GRXCR2: variants seen among roughly 807,000 people sequenced by gnomAD.
GRXCR2 encodes glutaredoxin and cysteine rich domain containing 2.
Under a neutral mutation model 24.8 loss-of-function variants are expected in GRXCR2, and 23 were observed. The ratio of observed to expected loss-of-function variants is 0.93; its 90% CI spans 0.67 to 1.32. The LOEUF (loss-of-function observed/expected upper bound fraction) is 1.32. GRXCR2 is among the 40% of genes most tolerant of loss of function. The pLI, the probability that GRXCR2 is intolerant of heterozygous loss-of-function variation, is 0.00. For missense variants in GRXCR2, 315 were observed against 303.4 expected (o/e 1.04, Z -0.28); for synonymous variants, 130 against 116.1 (o/e 1.12, Z -0.77).
upstream of GRXCR2, among the ~76,000 whole-genome samples, chr5:145,876,785 G>A (rs998963836): frequency 2.6e-5 from 4 of 152,174 alleles, no homozygotes; most frequent in African/African-American, 4.8e-5. Flanking sequence ...ATTTTCAGAC[G>A]TTGGTGTTTC....
At position 145,927,397 on chromosome 5, in the gene GRXCR2, T is replaced by C. The variant is rs1034824931; in HGVS notation, c.-70+8304A>G. 6.0e-4 allele frequency among the ~76,000 whole-genome samples: 92 copies of C among 152,310 alleles called. 2 individuals carry two copies. In the South Asian group the frequency reaches 0.016, roughly 26 times the overall value. ...AAATAGCTCTTATTATTTTGAGATA[T>C]GTCCCATCAATAACTAATTTATTGA... is the stretch of plus-strand genomic sequence containing the variant. On this transcript the variant is annotated intron_variant, in intron 2 of 3. Coordinates refer to the GRXCR2 transcript ENST00000639411.
intron 2 of GRXCR2, among the ~76,000 whole-genome samples, chr5:145,900,336 A>T (rs929189122): frequency 3.3e-5 from 5 of 152,020 alleles, no homozygotes; most frequent in Non-Finnish European, 7.4e-5. Flanking sequence ...TTTGCCTTCC[A>T]CCATGATTGT....
intron 2 of GRXCR2, among the ~76,000 whole-genome samples, chr5:145,882,351 G>C (rs1756714840): frequency 6.6e-6 from 1 of 152,146 alleles, no homozygotes; most frequent in South Asian, 2.1e-4. Context: ...CCATCAAAAA[G>C]TGGGCTAAGG....
At chr5:145,885,637 T>C (rs1756770145) in intron 2 of GRXCR2, among the ~76,000 whole-genome samples, 1 of 152,254 alleles carries the variant, frequency 6.6e-6, no homozygotes, top group Non-Finnish European at 1.5e-5. Flanking sequence ...GTTTCTTTAC[T>C]GCAGGACTTC....
chr5:145,902,063 C>T (rs776997103), intron 2 of GRXCR2, among the ~76,000 whole-genome samples: 1 of 152,052 alleles, frequency 6.6e-6, no homozygotes, highest in Non-Finnish European at 1.5e-5. Context: ...CACTGTGCTG[C>T]ATTACTGAGA....
Position 145,915,737 on chromosome 5 carries a change from A to AC in GRXCR2, c.-70+19963_-70+19964insG, listed in dbSNP as rs563356720. Among the ~76,000 whole-genome samples the AC allele has an allele frequency of 9.7e-4, 148 of 151,948 alleles. 2 individuals carry two copies. The highest frequency in any genetic ancestry group is 3.3e-3 in the African/African-American group (137 of 41,454). Reference sequence around the variant, plus strand: ...TGACAGAGCAACACTTCATCTCAAAAAAAAAAAAAGGAAGAAGAAGGTAGG... The same window carrying AC: ...TGACAGAGCAACACTTCATCTCAAAACAAAAAAAAAGGAAGAAGAAGGTAGG... On this transcript the variant is annotated intron_variant, in intron 2 of 3. Transcript: ENST00000639411.
intron 2 of GRXCR2, among the ~76,000 whole-genome samples, chr5:145,924,881 C>A (rs1757369473): frequency 6.6e-6 from 1 of 152,148 alleles, no homozygotes; most frequent in African/African-American, 2.4e-5. Context: ...TTCAGGCAGC[C>A]ATTCTGTGAG....
chr5:145,874,796 A>G (rs1177948460), upstream of GRXCR2, among the ~76,000 whole-genome samples: 2 of 152,132 alleles, frequency 1.3e-5, no homozygotes, highest in African/African-American at 4.8e-5. Flanking sequence ...CTTCCTTTCC[A>G]GCCTTGCCCT....
intron 2 of GRXCR2, among the ~76,000 whole-genome samples, chr5:145,911,444 A>G (rs759997510): frequency 4.6e-5 from 7 of 152,196 alleles, no homozygotes; most frequent in Non-Finnish European, 1.0e-4. Flanking sequence ...GAAGGGGTGA[A>G]AGGTACTGAA....
chr5:145,923,374 T>C (rs1042721935), intron 2 of GRXCR2, among the ~76,000 whole-genome samples: 2 of 152,226 alleles, frequency 1.3e-5, no homozygotes, highest in African/African-American at 4.8e-5. Context: ...GATGACTGTA[T>C]GCAATATATT....
At chr5:145,865,818 T>C (rs1179826461) in intron 2 of GRXCR2, among the ~76,000 whole-genome samples, 2 of 151,984 alleles carry the variant, frequency 1.3e-5, no homozygotes, top group Non-Finnish European at 2.9e-5. Flanking sequence ...ACACCAATAA[T>C]AGAAGAACAA....
At chr5:145,923,310 G>C (rs937179848) in intron 2 of GRXCR2, among the ~76,000 whole-genome samples, 4 of 152,182 alleles carry the variant, frequency 2.6e-5, no homozygotes, top group African/African-American at 9.7e-5. Flanking sequence ...CCCTTGCTAA[G>C]AGTATTTTAG....
intron 2 of GRXCR2, among the ~76,000 whole-genome samples, chr5:145,906,438 C>A (rs956589188): frequency 4.6e-5 from 7 of 152,096 alleles, no homozygotes; most frequent in African/African-American, 1.4e-4. Context: ...CAATAAAAAC[C>A]TGCCTGAGAA....
intron 1 of GRXCR2, among the ~76,000 whole-genome samples, chr5:145,869,806 C>A (rs1307673991): frequency 6.6e-6 from 1 of 152,164 alleles, no homozygotes; most frequent in Non-Finnish European, 1.5e-5. Context: ...ATCTGCCCTC[C>A]TCAGTCTCCC....
At chr5:145,897,247 T>TTACA (rs67092971) in intron 2 of GRXCR2, among the ~76,000 whole-genome samples, 23,965 of 145,784 alleles carry the variant, frequency 0.16, 2,034 homozygotes, top group Non-Finnish European at 0.19. Context: ...CTGTTGTTTG[T>TTACA]TACATACATA....
intron 2 of GRXCR2, among the ~76,000 whole-genome samples, chr5:145,926,624 A>G (rs1308172294): frequency 6.6e-6 from 1 of 152,142 alleles, no homozygotes; most frequent in Non-Finnish European, 1.5e-5. Context: ...TGTTTTGGTT[A>G]CTGTAGCCTT....
intron 2 of GRXCR2, among the ~76,000 whole-genome samples, chr5:145,890,436 T>C (rs1286145386): frequency 6.6e-6 from 1 of 152,198 alleles, no homozygotes; most frequent in Non-Finnish European, 1.5e-5. Flanking sequence ...TGGGATTATG[T>C]GAAGTCACCA....
At chr5:145,901,502 G>A (rs1757021839) in intron 2 of GRXCR2, among the ~76,000 whole-genome samples, 2 of 152,220 alleles carry the variant, frequency 1.3e-5, no homozygotes, top group Admixed American at 6.5e-5. Flanking sequence ...AACAAAAGCA[G>A]AGGTAAAAAT....
chr5:145,906,869 C>G (rs149353329), intron 2 of GRXCR2, among the ~76,000 whole-genome samples: 1 of 146,766 alleles, frequency 6.8e-6, no homozygotes. Context: ...AGATAGTGAT[C>G]CGAAATGAAA....
Sources: gnomAD v4.1 joint callset for allele counts (sites outside exome capture counted in the v4.1 genomes callset) on GRCh38, gnomAD v4.1.1 for gene constraint, MANE v1.5 for transcripts, NCBI Gene and HGNC (gene_info 2026-07-23, HGNC 2026-07-21) for gene names.